The following ATXN7L1 variants were observed in gnomAD, a reference collection of about 807,000 sequenced individuals.
The protein encoded by ATXN7L1 is ataxin-7-like protein 1.
In ATXN7L1, 15 loss-of-function variants were observed where a neutral mutation model predicts 70.8. The ratio of observed to expected loss-of-function variants is 0.21; its 90% CI spans 0.14 to 0.33. The LOEUF (loss-of-function observed/expected upper bound fraction) is 0.33. Among genes scored for constraint, ATXN7L1 ranks in the 10% least tolerant of loss-of-function variants. ATXN7L1 has a pLI of 1.00. For synonymous variants in ATXN7L1, 440 were observed against 445.1 expected, an observed-to-expected ratio of 0.99 and a Z score of 0.14; for missense variants, 975 against 1,097.1, an observed-to-expected ratio of 0.89 and a Z score of 1.57.
intron 4 of ATXN7L1, among the ~76,000 whole-genome samples, chr7:105,654,287 A>C (rs1800283333): frequency 6.6e-6 from 1 of 152,274 alleles, no homozygotes; most frequent in Non-Finnish European, 1.5e-5. Flanking sequence ...GTGCAATGAC[A>C]AAGGTGAAGT....
rs1231104302 is a variant in ATXN7L1 at position 105,662,027 on chromosome 7, T to TTTCCTTCC, written c.578+3031_578+3038dup. On this transcript the variant is annotated intron_variant, in intron 4 of 11. Transcript: ENST00000419735. ...ATTCTTTCTTTTCTTTCTTTCTTTC[T>TTTCCTTCC]TTCCTTCCTTCCTTCCTTCCTTCCT... Among the ~76,000 whole-genome samples the TTTCCTTCC allele has an allele frequency of 6.3e-3, 308 of 48,848 alleles. 1 individual carries two copies. Among genetic ancestry groups the TTTCCTTCC allele is most frequent in the African/African-American group, 0.015 (170 of 11,388 alleles). The allele number at this position is 48,848 out of a possible 152,430, so 32.0% of individuals were successfully genotyped here. A position where few individuals can be genotyped will look rare whatever the true frequency, so the allele number is the denominator to read the frequency against.
intron 2 of ATXN7L1, among the ~76,000 whole-genome samples, chr7:105,831,504 A>G (rs1811592021): frequency 6.6e-6 from 1 of 152,218 alleles, no homozygotes; most frequent in Non-Finnish European, 1.5e-5. Context: ...GTGGCCGAGG[A>G]ACTATGAAAA....
chr7:105,851,739 G>A (rs1247960411), intron 2 of ATXN7L1, among the ~76,000 whole-genome samples: 1 of 151,980 alleles, frequency 6.6e-6, no homozygotes, highest in Admixed American at 6.6e-5. Context: ...TTGAAAGGGC[G>A]AAGAAGTCCA....
chr7:105,859,180 A>T (rs1175885570), intron 2 of ATXN7L1, among the ~76,000 whole-genome samples: 1 of 152,112 alleles, frequency 6.6e-6, no homozygotes, highest in Non-Finnish European at 1.5e-5. Context: ...ATTTTAGGAG[A>T]TGCATGCTGA....
chr7:105,693,583 C>CCA lies in ATXN7L1; in HGVS notation c.356-28296_356-28295insTG, dbSNP rs1472134371. ...TCCATCCATCCATCCATCCATCCAT[C>CCA]TAATTTGAAGAATAAAATGTCACCC... On this transcript the variant is annotated intron_variant, in intron 3 of 11. Transcript: ENST00000419735. Among the ~76,000 whole-genome samples, 287 of 33,148 alleles carry CCA rather than the reference C, an allele frequency of 8.7e-3. 1 individual carries two copies. The highest frequency in any genetic ancestry group is 0.06 in the South Asian group (47 of 782). The allele number at this position is 33,148 out of a possible 152,430, so 21.7% of individuals were successfully genotyped here. A position where few individuals can be genotyped will look rare whatever the true frequency, so the allele number is the denominator to read the frequency against.
At chr7:105,694,521 G>A (rs145459843) in intron 3 of ATXN7L1, among the ~76,000 whole-genome samples, 185 of 152,342 alleles carry the variant, frequency 1.2e-3, no homozygotes, top group African/African-American at 4.3e-3. Context: ...GAGGGAAACA[G>A]GGTTCAGAGA....
intron 3 of ATXN7L1, among the ~76,000 whole-genome samples, chr7:105,702,380 G>C (rs1792561248): frequency 6.6e-6 from 1 of 152,158 alleles, no homozygotes; most frequent in Admixed American, 6.5e-5. Flanking sequence ...TAGAAATACA[G>C]AAATCATATA....
chr7:105,640,079 C>G (rs1797952155), intron 5 of ATXN7L1, among the ~76,000 whole-genome samples: 1 of 152,002 alleles, frequency 6.6e-6, no homozygotes, highest in Non-Finnish European at 1.5e-5. Flanking sequence ...GGAGATTACT[C>G]CTTGACATGT....
At chr7:105,710,250 T>G (rs953000717) in intron 3 of ATXN7L1, among the ~76,000 whole-genome samples, 6 of 152,140 alleles carry the variant, frequency 3.9e-5, no homozygotes, top group Non-Finnish European at 8.8e-5. Context: ...GAAAAGAGGT[T>G]TAATTGACTC....
chr7:105,720,701 G>A (rs1272048276), intron 3 of ATXN7L1, among the ~76,000 whole-genome samples: 2 of 151,896 alleles, frequency 1.3e-5, no homozygotes, highest in Non-Finnish European at 2.9e-5. Flanking sequence ...GAACTCCTAG[G>A]CTCAGCGATC....
At chr7:105,706,093 C>G (rs184629615) in intron 3 of ATXN7L1, among the ~76,000 whole-genome samples, 18 of 152,344 alleles carry the variant, frequency 1.2e-4, no homozygotes, top group Non-Finnish European at 1.8e-4. Context: ...CAGCAGTCTG[C>G]AGTGGTCTGA....
At chr7:105,609,527 C>G (rs1792971205) in intron 11 of ATXN7L1, among the ~76,000 whole-genome samples, 1 of 151,740 alleles carries the variant, frequency 6.6e-6, no homozygotes, top group Non-Finnish European at 1.5e-5. Context: ...GTGCAAGGTG[C>G]AATCACAGCT....
intron 2 of ATXN7L1, among the ~76,000 whole-genome samples, chr7:105,853,007 G>A (rs1815108825): frequency 6.6e-6 from 1 of 152,034 alleles, no homozygotes; most frequent in Non-Finnish European, 1.5e-5. Context: ...GATTAGAATA[G>A]GTGACTTCAT....
intron 4 of ATXN7L1, among the ~76,000 whole-genome samples, chr7:105,656,890 AT>A: frequency 6.6e-6 from 1 of 152,206 alleles, no homozygotes; most frequent in Middle Eastern, 3.4e-3. Context: ...TAATGCAGTT[AT>A]TTTTTTAAGC....
At chr7:105,766,982 C>T (rs951252737) in intron 3 of ATXN7L1, among the ~76,000 whole-genome samples, 3 of 152,194 alleles carry the variant, frequency 2.0e-5, no homozygotes, top group Non-Finnish European at 2.9e-5. Flanking sequence ...TTTCTGAAGA[C>T]GTGTGCAGCA....
In ATXN7L1 at chr7:105,667,616, G is replaced by A. The variant is rs867737091; in HGVS notation, c.356-2328C>T. 2.7e-5 allele frequency among the ~76,000 whole-genome samples: 3 copies of A among 109,610 alleles called. 1 individual carries two copies. The highest frequency in any genetic ancestry group is 4.4e-4 in the South Asian group (1 of 2,280). The allele number at this position is 109,610 out of a possible 152,430, so 71.9% of individuals were successfully genotyped here. On this transcript the variant is annotated intron_variant, in intron 3 of 11. Transcript: ENST00000419735. ...TGGGAGGCTGAGGCGGGAGAATGGC[G>A]TGAACCCGGGAGGCGGAGCTTGCGG...
chr7:105,678,713 C>T (rs955440447), intron 3 of ATXN7L1, among the ~76,000 whole-genome samples: 1 of 152,154 alleles, frequency 6.6e-6, no homozygotes, highest in South Asian at 2.1e-4. Context: ...AGCTGGCTTC[C>T]CGGTGCTCTG....
intron 2 of ATXN7L1, among the ~76,000 whole-genome samples, chr7:105,803,056 T>G (rs1256723828): frequency 6.6e-6 from 1 of 152,250 alleles, no homozygotes; most frequent in African/African-American, 2.4e-5. Flanking sequence ...GTTGTCTGTA[T>G]TGGTAAACTT....
At chr7:105,721,447 G>T (rs1795172690) in intron 3 of ATXN7L1, among the ~76,000 whole-genome samples, 8 of 152,172 alleles carry the variant, frequency 5.3e-5, no homozygotes, top group Admixed American at 5.2e-4. Context: ...CACTAATCAC[G>T]GTGTTCTGAG....
Sources: gnomAD v4.1 joint callset for allele counts (sites outside exome capture counted in the v4.1 genomes callset) on GRCh38, gnomAD v4.1.1 for gene constraint, MANE v1.5 for transcripts, NCBI Gene and HGNC (gene_info 2026-07-23, HGNC 2026-07-21) for gene names.